Variants in ADAM18 observed in about 807,000 individuals in gnomAD.
ADAM18 encodes the protein disintegrin and metalloproteinase domain-containing protein 18.
Under a neutral mutation model 94.4 loss-of-function variants are expected in ADAM18, and 117 were observed. The ratio of observed to expected loss-of-function variants is 1.24; its 90% CI spans 1.07 to 1.45. The LOEUF (loss-of-function observed/expected upper bound fraction) is 1.45, where lower values mean the gene tolerates loss of function less well. Among genes scored for constraint, ADAM18 ranks in the 40% most tolerant of loss-of-function variants. The pLI, the probability that ADAM18 is intolerant of heterozygous loss-of-function variation, is 0.00. For synonymous variants in ADAM18, 327 were observed against 291.6 expected, an observed-to-expected ratio of 1.12 and a Z score of -1.24; for missense variants, 936 against 880.0, an observed-to-expected ratio of 1.06 and a Z score of -0.81.
At chr8:39,701,066 C>T (rs1477091821) in intron 17 of ADAM18, among the ~76,000 whole-genome samples, 3 of 120,678 alleles carry the variant, frequency 2.5e-5, no homozygotes, top group African/African-American at 3.1e-5. Flanking sequence ...TGCAGTGAGC[C>T]GAGATCCCGC....
chr8:39,653,696 G>A (rs1174053408), intron 12 of ADAM18, among the ~76,000 whole-genome samples: 2 of 152,094 alleles, frequency 1.3e-5, no homozygotes, highest in Non-Finnish European at 2.9e-5. Flanking sequence ...TTCAAGAATA[G>A]TTTTTATGTG....
chr8:39,723,182 AAG>A (rs1822808479), intron 18 of ADAM18, among the ~76,000 whole-genome samples: 2 of 151,418 alleles, frequency 1.3e-5, no homozygotes, highest in Non-Finnish European at 3.0e-5. Flanking sequence ...TAAAAAAACA[AAG>A]GTAATAATAT....
chr8:39,648,597 T>C, intron 12 of ADAM18, 70 bp downstream of exon 12: 1 of 1,374,214 alleles, frequency 7.3e-7, no homozygotes, highest in East Asian at 2.4e-5. Flanking sequence ...ATGTTTGTCA[T>C]GGTATATATA....
chr8:39,617,746 C>A (rs1317069305), intron 6 of ADAM18, among the ~76,000 whole-genome samples: 5 of 151,648 alleles, frequency 3.3e-5, no homozygotes, highest in African/African-American at 1.2e-4. Context: ...AATAGTAACT[C>A]AAATACCACA....
intron 18 of ADAM18, among the ~76,000 whole-genome samples, chr8:39,708,706 G>T (rs1822309550): frequency 6.6e-6 from 1 of 152,172 alleles, no homozygotes; most frequent in South Asian, 2.1e-4. Flanking sequence ...AATGAGGTGG[G>T]AACTGGAGTG....
At chr8:39,707,000 A>G in intron 18 of ADAM18, 96 bp downstream of exon 18, 1 of 671,306 alleles carries the variant, frequency 1.5e-6, no homozygotes, top group South Asian at 2.0e-5. Context: ...AGCTTCATCT[A>G]CATTGCAGCA....
At chr8:39,662,661 G>C (rs1053647338) in intron 12 of ADAM18, among the ~76,000 whole-genome samples, 1 of 152,150 alleles carries the variant, frequency 6.6e-6, no homozygotes, top group Non-Finnish European at 1.5e-5. Flanking sequence ...GTCTCACTCT[G>C]TCACCCAGGC....
intron 16 of ADAM18, among the ~76,000 whole-genome samples, chr8:39,689,607 T>C (rs1821711710): frequency 6.6e-6 from 1 of 152,212 alleles, no homozygotes; most frequent in Non-Finnish European, 1.5e-5. Context: ...CCCTGTAGGA[T>C]AGTTTGAAGT....
intron 12 of ADAM18, among the ~76,000 whole-genome samples, chr8:39,649,852 A>G (rs939165840): frequency 1.4e-4 from 22 of 152,210 alleles, no homozygotes; most frequent in Middle Eastern, 3.4e-3. Context: ...GGCATTTTCT[A>G]TATCATAGTT....
At chr8:39,623,968 A>G (rs1819691386) in intron 6 of ADAM18, among the ~76,000 whole-genome samples, 1 of 152,096 alleles carries the variant, frequency 6.6e-6, no homozygotes, top group Non-Finnish European at 1.5e-5. Flanking sequence ...AGAAAGGCCT[A>G]TTTGTGTAAT....
At chr8:39,696,268 ATATATTTTGGATATT>A (rs199839381) in intron 17 of ADAM18, among the ~76,000 whole-genome samples, 47,617 of 150,568 alleles carry the variant, frequency 0.32, 8,358 homozygotes, top group East Asian at 0.75. Context: ...AGAATTATTT[ATATATTTTGGATATT>A]AATTCCTTAT....
chr8:39,639,572 G>C (rs190373032), intron 10 of ADAM18, among the ~76,000 whole-genome samples: 161 of 151,780 alleles, frequency 1.1e-3, no homozygotes, highest in Admixed American at 2.0e-3. Flanking sequence ...TCCATATTTC[G>C]ACTGCTTCAT....
At chr8:39,656,422 T>A (rs1293987015) in intron 12 of ADAM18, among the ~76,000 whole-genome samples, 1 of 152,044 alleles carries the variant, frequency 6.6e-6, no homozygotes, top group African/African-American at 2.4e-5. Context: ...CTGGGACAAT[T>A]CAATATACAT....
At chr8:39,702,781 A>T (rs1014886201) in intron 17 of ADAM18, among the ~76,000 whole-genome samples, 1 of 152,174 alleles carries the variant, frequency 6.6e-6, no homozygotes, top group African/African-American at 2.4e-5. Context: ...TCTGTTGAAG[A>T]TTAGATAGTT....
At chr8:39,638,695 A>G (rs117708657) in intron 10 of ADAM18, 149 bp downstream of exon 10, 6,111 of 425,630 alleles carry the variant, frequency 0.014, 72 homozygotes, top group South Asian at 0.021. Context: ...GACAAAATTA[A>G]TAGAATCTCA....
chr8:39,597,914 AC>A (rs1337467835), intron 2 of ADAM18, among the ~76,000 whole-genome samples: 1 of 152,216 alleles, frequency 6.6e-6, no homozygotes, highest in African/African-American at 2.4e-5. Context: ...GCTATCCATA[AC>A]ATGGAATATT....
At chr8:39,694,671 A>G (rs957127347) in intron 17 of ADAM18, among the ~76,000 whole-genome samples, 2 of 151,426 alleles carry the variant, frequency 1.3e-5, no homozygotes, top group South Asian at 2.1e-4. Flanking sequence ...GTGGACTACA[A>G]TATATCTGCT....
At chr8:39,704,964 A>G (rs572996807) in intron 17 of ADAM18, among the ~76,000 whole-genome samples, 1 of 152,170 alleles carries the variant, frequency 6.6e-6, no homozygotes, top group East Asian at 1.9e-4. Context: ...CAAAATATAG[A>G]GGAAAATATA....
At chr8:39,714,825 A>G (rs544255318) in intron 18 of ADAM18, among the ~76,000 whole-genome samples, 5 of 152,190 alleles carry the variant, frequency 3.3e-5, no homozygotes, top group Admixed American at 1.3e-4. Context: ...CATCAATATT[A>G]TAATGAAACA....
Sources: allele counts gnomAD v4.1 joint callset (sites outside exome capture counted in the v4.1 genomes callset), GRCh38; gene constraint gnomAD v4.1.1; transcripts MANE v1.5; gene names NCBI Gene and HGNC (gene_info 2026-07-23, HGNC 2026-07-21).